CLDN16: variants seen among roughly 807,000 people sequenced by gnomAD.
The protein encoded by CLDN16 is claudin-16.
In CLDN16, 13 loss-of-function variants were observed where a neutral mutation model predicts 24.6. That is an observed-to-expected ratio of 0.53 (90% CI 0.34 to 0.84). The LOEUF (loss-of-function observed/expected upper bound fraction) is 0.84. CLDN16 is among the 40% of genes least tolerant of loss of function. The probability of loss-of-function intolerance (pLI) is 0.01; values close to 1 mark genes in which losing one functional copy is unlikely to be tolerated. For synonymous variants in CLDN16, 116 were observed against 106.7 expected, an observed-to-expected ratio of 1.09 and a Z score of -0.54; for missense variants, 298 against 292.7, an observed-to-expected ratio of 1.02 and a Z score of -0.13.
rs116604731 is a variant in CLDN16, at chr3:190,325,821, C to T, written n.121+3160C>T. Among the ~76,000 whole-genome samples the T allele has an allele frequency of 9.6e-3, 1,458 of 152,196 alleles. 22 individuals carry two copies. The highest frequency in any genetic ancestry group is 0.033 in the African/African-American group (1,376 of 41,510). The stretch of plus-strand genomic sequence containing the variant: ...AGCTTCTTAAGTGGTAAAAGCAGAA[C>T]GAATGAACACATTACTAAGTAAGCA... On this transcript the variant is annotated intron_variant and non_coding_transcript_variant, in intron 1 of 4. Coordinates refer to the CLDN16 transcript ENST00000468220.
chr3:190,317,037 G>A, the CLDN16 span, among the ~76,000 whole-genome samples: 1 of 152,104 alleles, frequency 6.6e-6, no homozygotes, highest in African/African-American at 2.4e-5. Context: ...TGCCCTAATG[G>A]AATGATGAGT....
chr3:190,344,766 G>A (rs1256160960), intron 1 of CLDN16, among the ~76,000 whole-genome samples: 1 of 152,002 alleles, frequency 6.6e-6, no homozygotes, highest in African/African-American at 2.4e-5. Flanking sequence ...GAGGATAAAT[G>A]TCTGGAGAAA....
rs567431005 is a variant in CLDN16 at position 190,373,105 on chromosome 3, A to G, written n.231-1423A>G. ...GTGTTCTTTATCTGACATTTGTAGC[A>G]TTTAGGAAATCCAATTTAGTATAAG... On this transcript the variant is annotated intron_variant and non_coding_transcript_variant, in intron 2 of 4. Transcript: ENST00000468220. Among the ~76,000 whole-genome samples the G allele has an allele frequency of 1.8e-4, 28 of 152,094 alleles. No homozygotes were observed. The East Asian group carries it at 5.4e-3, about 30-fold the overall frequency.
the CLDN16 span, among the ~76,000 whole-genome samples, chr3:190,291,487 C>G: frequency 6.6e-6 from 1 of 152,046 alleles, no homozygotes; most frequent in South Asian, 2.1e-4. Flanking sequence ...AACTCACTCA[C>G]TATCATGAGG....
At chr3:190,392,057 G>GTTTTTTTTTTTTT (rs1278610607) in intron 1 of CLDN16, among the ~76,000 whole-genome samples, 2 of 108,692 alleles carry the variant, frequency 1.8e-5, no homozygotes, top group Non-Finnish European at 4.4e-5. Flanking sequence ...GTCCTTTTCA[G>GTTTTTTTTTTTTT]TCTTTTTTTT....
rs1205481827 is a variant in CLDN16, at chr3:190,411,788, CTG to C, written c.*1754_*1755del. On this transcript the variant is annotated 3_prime_UTR_variant, in exon 5 of 5. Coordinates refer to ENST00000264734, the MANE Select transcript of CLDN16 (RefSeq NM_006580.4). ...GATTTAACTATCTCATTTTTATTAA[CTG>C]TAATTTACTTTAAAAATATTTGCAA... 2.6e-5 allele frequency: 4 copies of C among 152,038 alleles called. No individual in the cohort carries two copies. Among genetic ancestry groups the C allele is most frequent in the Non-Finnish European group, 5.9e-5 (4 of 67,968 alleles). The allele number at this position is 152,038 out of a possible 1,614,324, so 9.4% of individuals were successfully genotyped here.
the CLDN16 span, chr3:190,307,119 T>C: frequency 6.0e-4 from 92 of 152,776 alleles, no homozygotes; most frequent in African/African-American, 2.1e-3. Context: ...ACTGGTTAAG[T>C]ATCATTATCT....
intron 2 of CLDN16, among the ~76,000 whole-genome samples, chr3:190,372,307 T>C (rs1718158799): frequency 6.6e-6 from 1 of 151,872 alleles, no homozygotes; most frequent in African/African-American, 2.4e-5. Flanking sequence ...AATTTACTGA[T>C]GTTCTCTGAA....
chr3:190,316,390 T>C, the CLDN16 span, among the ~76,000 whole-genome samples: 28 of 152,210 alleles, frequency 1.8e-4, no homozygotes, highest in Admixed American at 8.5e-4. Flanking sequence ...AGTATAGTTA[T>C]ATGTGAGGAA....
intron 1 of CLDN16, among the ~76,000 whole-genome samples, chr3:190,394,572 A>T (rs1002146271): frequency 6.6e-6 from 1 of 152,154 alleles, no homozygotes; most frequent in Non-Finnish European, 1.5e-5. Flanking sequence ...CTTTCAGCAG[A>T]TGTTTGAGGC....
rs1560093790 is a variant in CLDN16 at position 190,388,281 on chromosome 3, C to T, written c.-49C>T. On this transcript the variant is annotated 5_prime_UTR_variant, in exon 1 of 5. Coordinates refer to ENST00000264734, the MANE Select transcript of CLDN16 (RefSeq NM_006580.4). ...CTGACACCCGCCACTTAAGTGGGGC[C>T]AGGGCTGGTGTCTGCCCATGTTGCC... 36 of 1,607,176 alleles carry T rather than the reference C, an allele frequency of 2.2e-5. No homozygotes were observed. The highest frequency in any genetic ancestry group is 2.9e-5 in the Non-Finnish European group (34 of 1,175,728).
chr3:190,317,804 T>A (rs2108612696), upstream of CLDN16, among the ~76,000 whole-genome samples: 1 of 152,326 alleles, frequency 6.6e-6, no homozygotes, highest in Middle Eastern at 3.4e-3. Context: ...GATACTGTAT[T>A]CTTGATCGGT....
At chr3:190,406,895 C>T (rs918869752) in intron 3 of CLDN16, among the ~76,000 whole-genome samples, 3 of 151,950 alleles carry the variant, frequency 2.0e-5, no homozygotes, top group East Asian at 1.9e-4. Flanking sequence ...GCGCCCACCA[C>T]CACGCCTGGC....
chr3:190,322,949 C>T (rs1036525493), intron 1 of CLDN16, among the ~76,000 whole-genome samples: 1 of 151,434 alleles, frequency 6.6e-6, no homozygotes, highest in East Asian at 2.0e-4. Context: ...CAAGGAGCCT[C>T]AGAGACTTTT....
chr3:190,348,335 ATGTGTGTGTGTG>A (rs57246894), intron 1 of CLDN16, among the ~76,000 whole-genome samples: 15 of 138,368 alleles, frequency 1.1e-4, no homozygotes, highest in Non-Finnish European at 2.2e-4. Flanking sequence ...CAAGACTGCA[ATGTGTGTGTGTG>A]TGTGTGTGTG....
chr3:190,305,371 G>A, the CLDN16 span, among the ~76,000 whole-genome samples: 22 of 152,276 alleles, frequency 1.4e-4, no homozygotes, highest in Non-Finnish European at 2.1e-4. Flanking sequence ...TTCCACCTTT[G>A]TGAGGAACAA....
At chr3:190,335,023 C>CTTTTTTTTTTT (rs57744577) in intron 1 of CLDN16, among the ~76,000 whole-genome samples, 3 of 134,338 alleles carry the variant, frequency 2.2e-5, no homozygotes, top group East Asian at 2.2e-4. Context: ...TTTCTTTTTT[C>CTTTTTTTTTTT]TTTTTTTTTT....
the CLDN16 span, among the ~76,000 whole-genome samples, chr3:190,315,777 CAGA>C: frequency 6.6e-6 from 1 of 152,116 alleles, no homozygotes; most frequent in African/African-American, 2.4e-5. Context: ...CAAGTAAAAA[CAGA>C]AGGTCACTTG....
At chr3:190,295,603 G>A in the CLDN16 span, among the ~76,000 whole-genome samples, 1 of 152,130 alleles carries the variant, frequency 6.6e-6, no homozygotes, top group Admixed American at 6.5e-5. Flanking sequence ...ATTGGAAGCT[G>A]CTTGTACAGA....
Sources: gnomAD v4.1 joint callset for allele counts (sites outside exome capture counted in the v4.1 genomes callset) on GRCh38, gnomAD v4.1.1 for gene constraint, MANE v1.5 for transcripts, NCBI Gene and HGNC (gene_info 2026-07-23, HGNC 2026-07-21) for gene names.